Variants in TXNDC9 observed in about 807,000 individuals in gnomAD.
The protein encoded by TXNDC9 is thioredoxin domain containing 9.
Under a neutral mutation model 23.0 loss-of-function variants are expected in TXNDC9, and 7 were observed. The ratio of observed to expected loss-of-function variants is 0.30; its 90% CI spans 0.17 to 0.57. The LOEUF (loss-of-function observed/expected upper bound fraction) is 0.57, where lower values mean the gene tolerates loss of function less well. Ranked by LOEUF, TXNDC9 falls within the 20% of genes least tolerant of loss-of-function variation. TXNDC9 has a pLI of 0.90. For missense variants in TXNDC9, 198 were observed against 252.6 expected, an observed-to-expected ratio of 0.78 and a Z score of 1.47; for synonymous variants, 72 against 90.6, an observed-to-expected ratio of 0.79 and a Z score of 1.17.
chr2:99,316,627 A>G (rs188870862), downstream of TXNDC9, among the ~76,000 whole-genome samples: 1 of 152,086 alleles, frequency 6.6e-6, no homozygotes, highest in Admixed American at 6.5e-5. Context: ...TTCAGGCATC[A>G]TTTCTTCCAA....
At chr2:99,312,357 C>T in the TXNDC9 span, among the ~76,000 whole-genome samples, 3 of 151,836 alleles carry the variant, frequency 2.0e-5, no homozygotes, top group Admixed American at 6.6e-5. Context: ...ATTAGCTGGG[C>T]GTGATGGTAC....
chr2:99,315,211 T>A (rs868839740), downstream of TXNDC9, among the ~76,000 whole-genome samples: 1 of 151,848 alleles, frequency 6.6e-6, no homozygotes, highest in Non-Finnish European at 1.5e-5. Flanking sequence ...TACAGGCGCA[T>A]GCCACCATAC....
chr2:99,314,821 G>C (rs1453385096), downstream of TXNDC9, among the ~76,000 whole-genome samples: 1 of 151,232 alleles, frequency 6.6e-6, no homozygotes, highest in Admixed American at 6.6e-5. Context: ...GACAGTTAAT[G>C]ATTTGAGCAT....
chr2:99,333,081 A>C lies in TXNDC9; in HGVS notation c.130T>G (p.Leu44Val), dbSNP rs750775364. ...QKLDQMDEDE[L>V]ERLKEKRLQA... ...AGTCTCTTTTCTTTAAGGCGTTCCA[A>C]TTCATCCTCATCCATCTGATCCAGT... The change falls in exon 2 of 5, where the codon TTG becomes GTG. Residue 44 changes from leucine to valine, a missense_variant. Leu to Val is a conservative substitution (Grantham distance 32, BLOSUM62 1). Transcript: ENST00000264255. 2 of 1,614,060 alleles carry C rather than the reference A, an allele frequency of 1.2e-6. No individual in the cohort carries two copies. Among genetic ancestry groups the C allele is most frequent in the Admixed American group, 1.7e-5 (1 of 59,998 alleles).
At chr2:99,314,436 T>C (rs577248261), downstream of TXNDC9, among the ~76,000 whole-genome samples, 228 of 152,130 alleles carry the variant, frequency 1.5e-3, no homozygotes, top group Non-Finnish European at 2.6e-3. Context: ...ACTATTTATA[T>C]AGCATTTACA....
At chr2:99,321,838 C>T (rs13017871) in intron 4 of TXNDC9, 117 bp downstream of exon 4, 515,311 of 1,167,022 alleles carry the variant, frequency 0.44, 117,296 homozygotes, top group East Asian at 0.64. Flanking sequence ...AGAAACTTTC[C>T]ACATCTCAGC....
the TXNDC9 span, chr2:99,306,852 A>G: frequency 4.5e-6 from 2 of 443,600 alleles, no homozygotes; most frequent in East Asian, 1.4e-4. Flanking sequence ...ATCTATGATC[A>G]CTCTCATGCT....
chr2:99,332,753 T>C, intron 2 of TXNDC9: 1 of 382,352 alleles, frequency 2.6e-6, no homozygotes, highest in Non-Finnish European at 4.7e-6. Flanking sequence ...TCCCTAGCCC[T>C]CCATTCAACC....
chr2:99,308,817 T>A, the TXNDC9 span, among the ~76,000 whole-genome samples: 1 of 152,028 alleles, frequency 6.6e-6, no homozygotes, highest in Admixed American at 6.6e-5. Flanking sequence ...GTTCATGCCA[T>A]TCTCCTGCCT....
rs1481007885 is a variant in TXNDC9 at position 99,336,278 on chromosome 2, G to C, written c.-72C>G. The C allele has an allele frequency of 5.1e-6, 5 of 985,356 alleles. No homozygotes were observed. The highest frequency in any genetic ancestry group is 6.0e-6 in the Non-Finnish European group (5 of 829,982). 61.0% of individuals were successfully genotyped at this position (985,356 alleles called of 1,614,324 possible). Reference sequence around the variant, plus strand: ...ACGCCTGAGAAGTGAAAGAGCAGCAGTTTCAAAAGACACGTCCACTCCGGC... The same window carrying C: ...ACGCCTGAGAAGTGAAAGAGCAGCACTTTCAAAAGACACGTCCACTCCGGC... On this transcript the variant is annotated 5_prime_UTR_variant, in exon 1 of 5. Coordinates refer to ENST00000264255, the MANE Select transcript of TXNDC9 (RefSeq NM_005783.4).
rs1443509575 is a variant in TXNDC9 at position 99,319,797 on chromosome 2, C to T, written c.566G>A (p.Gly189Glu). The T allele has an allele frequency of 6.4e-7, 1 of 1,553,024 alleles. No homozygotes were observed. Among genetic ancestry groups the T allele is most frequent in the Non-Finnish European group, 8.7e-7 (1 of 1,151,218 alleles). Residue 189 changes from glycine (G) to glutamate (E), a missense_variant and splice_region_variant, in exon 5 of 5, where the codon GGA becomes GAA. Coordinates refer to ENST00000264255, the MANE Select transcript of TXNDC9 (RefSeq NM_005783.4). ...CTGAAATGGTGGCTCCATTAAATTT[C>T]CACTTAAAAAAAAAAAAAAGCATTT... ...LGSSDILNYSGNLMEPPFQNQ... is the reference protein window; with the variant it reads ...LGSSDILNYSENLMEPPFQNQ...
intron 4 of TXNDC9, among the ~76,000 whole-genome samples, chr2:99,320,182 AT>A (rs1209059478): frequency 1.3e-5 from 2 of 151,944 alleles, no homozygotes; most frequent in Middle Eastern, 3.2e-3. Flanking sequence ...TAATTTTTAC[AT>A]TTTTTGTAGT....
chr2:99,309,067 A>T, the TXNDC9 span, among the ~76,000 whole-genome samples: 1 of 152,096 alleles, frequency 6.6e-6, no homozygotes, highest in Non-Finnish European at 1.5e-5. Flanking sequence ...ATTAAAAAGT[A>T]CAAATAATAA....
At chr2:99,327,004 C>G (rs549190738) in intron 3 of TXNDC9, among the ~76,000 whole-genome samples, 24 of 152,314 alleles carry the variant, frequency 1.6e-4, no homozygotes, top group African/African-American at 5.8e-4. Context: ...TATTGACTTT[C>G]AGTAATATTC....
At chr2:99,327,223 C>T (rs1461069071) in intron 3 of TXNDC9, among the ~76,000 whole-genome samples, 1 of 152,076 alleles carries the variant, frequency 6.6e-6, no homozygotes, top group African/African-American at 2.4e-5. Flanking sequence ...CAGGTACCTG[C>T]CACCACACCC....
At chr2:99,332,958 G>A (rs2094229485) in intron 2 of TXNDC9, 64 bp downstream of exon 2, 6 of 1,262,794 alleles carry the variant, frequency 4.8e-6, no homozygotes, top group Admixed American at 1.8e-5. Context: ...TACAGCACAT[G>A]TATATATAAG....
chr2:99,311,958 A>AT, the TXNDC9 span, among the ~76,000 whole-genome samples: 4 of 126,094 alleles, frequency 3.2e-5, no homozygotes, highest in East Asian at 6.6e-4. Flanking sequence ...TAAAAAAGGA[A>AT]AAATAATAAT....
the TXNDC9 span, among the ~76,000 whole-genome samples, chr2:99,312,422 G>A: frequency 2.6e-5 from 4 of 151,332 alleles, no homozygotes; most frequent in Non-Finnish European, 5.9e-5. Context: ...GCTCGAACCC[G>A]GGAGGTGGAG....
chr2:99,322,588 A>G (rs755468558), intron 3 of TXNDC9: 3 of 1,535,946 alleles, frequency 2.0e-6, no homozygotes, highest in Admixed American at 2.2e-5. Context: ...ACATGGTGCC[A>G]TATTTGGAAG....
Sources: gnomAD v4.1 joint callset for allele counts (sites outside exome capture counted in the v4.1 genomes callset) on GRCh38, gnomAD v4.1.1 for gene constraint, MANE v1.5 for transcripts, NCBI Gene and HGNC (gene_info 2026-07-23, HGNC 2026-07-21) for gene names.